The following RORA variants were observed in gnomAD, a reference collection of about 807,000 sequenced individuals.
RORA encodes the protein nuclear receptor ROR-alpha.
A neutral mutation model predicts 69.5 loss-of-function variants in RORA; 7 were observed. The observed-to-expected ratio is 0.10, with a 90% CI of 0.06 to 0.19. The LOEUF is 0.19. RORA is among the 10% of genes least tolerant of loss of function. The pLI is 1.00. For missense variants in RORA, 457 were observed against 663.0 expected (o/e 0.69, Z 3.41); for synonymous variants, 261 against 240.8 (o/e 1.08, Z -0.78).
chr15:61,076,519 T>C (rs1283166703), intron 1 of RORA, among the ~76,000 whole-genome samples: 1 of 152,322 alleles, frequency 6.6e-6, no homozygotes, highest in Admixed American at 6.5e-5. Flanking sequence ...ACTTAATTCA[T>C]GTAGACATGC....
Position 61,086,403 on chromosome 15 carries a change from T to C in RORA, c.166+142650A>G, listed in dbSNP as rs76787023. The stretch of plus-strand genomic sequence containing the variant: ...TGCGATAGTTTATGCTAAGGCATAG[T>C]TGTAAATGAGAACTTAATGAACTCA... On this transcript the variant is annotated intron_variant, in intron 1 of 10. Coordinates refer to ENST00000335670, the MANE Select transcript of RORA (RefSeq NM_134261.3). Among the ~76,000 whole-genome samples the C allele has an allele frequency of 2.8e-4, 43 of 152,320 alleles. No homozygotes were observed. The East Asian group carries it at 8.1e-3, about 29-fold the overall frequency.
intron 1 of RORA, among the ~76,000 whole-genome samples, chr15:60,937,296 T>G (rs62006831): frequency 0.23 from 34,571 of 152,096 alleles, 4,174 homozygotes; most frequent in Middle Eastern, 0.31. Flanking sequence ...AGCACTGAGC[T>G]TGAGTATGGT....
chr15:61,126,002 T>C (rs1413434166), intron 1 of RORA, among the ~76,000 whole-genome samples: 4 of 152,226 alleles, frequency 2.6e-5, no homozygotes, highest in Non-Finnish European at 5.9e-5. Flanking sequence ...TGTGATCTTT[T>C]TGAAATCTTG....
At chr15:60,588,035 A>C (rs2068385534) in intron 2 of RORA, among the ~76,000 whole-genome samples, 1 of 152,200 alleles carries the variant, frequency 6.6e-6, no homozygotes, top group Non-Finnish European at 1.5e-5. Context: ...TTGGGATGGA[A>C]GGGAGTTATC....
chr15:61,168,134 A>T (rs1381218790), intron 1 of RORA, among the ~76,000 whole-genome samples: 1 of 150,162 alleles, frequency 6.7e-6, no homozygotes, highest in African/African-American at 2.4e-5. Flanking sequence ...AAAAACATAC[A>T]TATATACACA....
chr15:60,531,729 A>G lies in RORA; in HGVS notation c.282+37T>C. On this transcript the variant is annotated intron_variant, in intron 3 of 10. Coordinates refer to ENST00000335670, the MANE Select transcript of RORA (RefSeq NM_134261.3). This position sits in a 1 kb window ranked among gnomAD's most constrained non-coding sequence, Gnocchi z 4.8. ...CAAATCACAAAGATATATTCTAACA[A>G]ACATTAATAGAAACAACAACAATTA... 1 of 1,148,422 alleles carries G rather than the reference A, an allele frequency of 8.7e-7. No homozygotes were observed. Among genetic ancestry groups the G allele is most frequent in the Non-Finnish European group, 1.3e-6 (1 of 784,544 alleles). The allele number at this position is 1,148,422 out of a possible 1,614,324, so 71.1% of individuals were successfully genotyped here.
chr15:60,887,141 TGAGAGAGAGAGA>T (rs3053903), intron 1 of RORA, among the ~76,000 whole-genome samples: 5 of 147,912 alleles, frequency 3.4e-5, no homozygotes, highest in South Asian at 4.4e-4. Context: ...TTGCCAGAGC[TGAGAGAGAGAGA>T]GAGAGAGAGA....
intron 1 of RORA, among the ~76,000 whole-genome samples, chr15:61,214,399 T>A (rs1596077264): frequency 6.6e-6 from 1 of 152,336 alleles, no homozygotes; most frequent in East Asian, 1.9e-4. Context: ...ACTTACGTTG[T>A]TGATTTCAAA....
At chr15:60,887,483 T>C (rs1206563998) in intron 1 of RORA, among the ~76,000 whole-genome samples, 2 of 152,054 alleles carry the variant, frequency 1.3e-5, no homozygotes, top group Non-Finnish European at 2.9e-5. Context: ...ATGTGACATA[T>C]TATAGACAAG....
chr15:61,077,064 G>A (rs1335594955), intron 1 of RORA, among the ~76,000 whole-genome samples: 4 of 152,166 alleles, frequency 2.6e-5, no homozygotes, highest in African/African-American at 9.7e-5. Flanking sequence ...TGCCTTAAAC[G>A]GAGAAAACAC....
In RORA at chr15:60,587,154, A is replaced by C. The variant is rs13329085; in HGVS notation, c.197-55303T>G. ...GCGATTGGTTACACAGGTTAGCTGT[A>C]CTTCATGGTATTCTGTATTCTTGGG... On this transcript the variant is annotated intron_variant, in intron 2 of 10. Transcript: ENST00000335670. Among the ~76,000 whole-genome samples, 504 of 152,336 alleles carry C rather than the reference A, an allele frequency of 3.3e-3. 6 individuals are homozygous for C. The highest frequency in any genetic ancestry group is 0.011 in the African/African-American group (438 of 41,576).
chr15:61,135,370 C>T (rs2079227987), intron 1 of RORA, among the ~76,000 whole-genome samples: 1 of 151,678 alleles, frequency 6.6e-6, no homozygotes, highest in South Asian at 2.1e-4. Context: ...TAAATGTTTG[C>T]TTTAACAAAA....
At chr15:60,645,501 C>T (rs2070024235) in intron 2 of RORA, among the ~76,000 whole-genome samples, 2 of 150,970 alleles carry the variant, frequency 1.3e-5, no homozygotes, top group Non-Finnish European at 2.9e-5. Flanking sequence ...AAGCAATTCT[C>T]CTGCTTCTGC....
intron 1 of RORA, among the ~76,000 whole-genome samples, chr15:60,791,038 G>C (rs2072409500): frequency 6.6e-6 from 1 of 151,852 alleles, no homozygotes; most frequent in Non-Finnish European, 1.5e-5. Flanking sequence ...CTTGTTTGGT[G>C]GTGTTTATTG....
At chr15:61,220,557 C>T (rs1022348757) in intron 1 of RORA, among the ~76,000 whole-genome samples, 4 of 152,270 alleles carry the variant, frequency 2.6e-5, no homozygotes, top group African/African-American at 4.8e-5. Flanking sequence ...TCTGGAAGGG[C>T]GGAATCACAT....
At chr15:61,228,949 G>T in intron 1 of RORA, 104 bp downstream of exon 1, 1 of 346,450 alleles carries the variant, frequency 2.9e-6, no homozygotes, top group Non-Finnish European at 4.0e-6. Flanking sequence ...GCAGGCTCGC[G>T]CGCGGCCGCC....
rs940065933 is a variant in RORA at position 60,650,228 on chromosome 15, C to T, written c.196+28429G>A. On this transcript the variant is annotated intron_variant, in intron 2 of 10. Transcript: ENST00000335670. ...CCTGAGGAAAAAAAAAAAAGTGGAG[C>T]TACCACAAAACAAACAAATATTCAG... Among the ~76,000 whole-genome samples the T allele has an allele frequency of 2.0e-5, 3 of 151,948 alleles. No individual in the cohort carries two copies. The South Asian group carries it at 6.2e-4, about 31-fold the overall frequency.
chr15:60,876,311 T>TGGGGGGG (rs56278031), intron 1 of RORA, among the ~76,000 whole-genome samples: 1 of 102,380 alleles, frequency 9.8e-6, no homozygotes, highest in Non-Finnish European at 2.1e-5. Flanking sequence ...TTACAGGAAG[T>TGGGGGGG]GGGGGGGGGG....
At chr15:61,023,913 T>C (rs1481081934) in intron 1 of RORA, among the ~76,000 whole-genome samples, 4 of 152,154 alleles carry the variant, frequency 2.6e-5, no homozygotes, top group Non-Finnish European at 4.4e-5. Flanking sequence ...TATACACTGA[T>C]ATATAAAACC....
Sources: gnomAD v4.1 joint callset for allele counts (sites outside exome capture counted in the v4.1 genomes callset) on GRCh38, gnomAD v4.1.1 for gene constraint, Gnocchi (gnomAD v3.1) non-coding constraint, MANE v1.5 for transcripts, NCBI Gene and HGNC (gene_info 2026-07-23, HGNC 2026-07-21) for gene names.